ARHGAP8: variants seen among roughly 807,000 people sequenced by gnomAD.
ARHGAP8 encodes rho GTPase-activating protein 8.
Under a neutral mutation model 46.1 loss-of-function variants are expected in ARHGAP8, and 62 were observed. The ratio of observed to expected loss-of-function variants is 1.34; its 90% CI spans 1.10 to 1.66. The LOEUF (loss-of-function observed/expected upper bound fraction) is 1.66, where lower values mean the gene tolerates loss of function less well. Among genes scored for constraint, ARHGAP8 ranks in the 40% most tolerant of loss-of-function variants. The pLI, the probability that ARHGAP8 is intolerant of heterozygous loss-of-function variation, is 0.00. For missense variants in ARHGAP8, 923 were observed against 568.4 expected (o/e 1.62, Z -6.34); for synonymous variants, 375 against 243.1 (o/e 1.54, Z -5.05).
chr22:44,809,191 A>G (rs760933617), intron 4 of ARHGAP8: 22 of 470,506 alleles, frequency 4.7e-5, no homozygotes, highest in African/African-American at 2.2e-4. Flanking sequence ...TATTGCAACA[A>G]CTCTGCTGGA....
intron 8 of ARHGAP8, 128 bp downstream of exon 8, chr22:44,845,470 A>G (rs2069931493): frequency 3.1e-6 from 4 of 1,278,620 alleles, no homozygotes; most frequent in South Asian, 1.4e-5. Flanking sequence ...GCTCAAGCAC[A>G]GTGGCTCCAG....
chr22:44,832,124 CT>C (rs376430202), intron 7 of ARHGAP8, among the ~76,000 whole-genome samples: 1 of 145,068 alleles, frequency 6.9e-6, no homozygotes, highest in Non-Finnish European at 1.5e-5. Context: ...GGTCTTTTAA[CT>C]TTTTTTCAGT....
In ARHGAP8 at chr22:44,810,982, A is replaced by T. The variant is rs1340474347; in HGVS notation, c.299+2544A>T. 2.6e-5 allele frequency among the ~76,000 whole-genome samples: 4 copies of T among 152,212 alleles called. No homozygotes were observed. In the East Asian group the frequency reaches 7.7e-4, roughly 29 times the overall value. On this transcript the variant is annotated intron_variant, in intron 4 of 11. Transcript: ENST00000356099. Reference sequence around the variant, plus strand: ...CAGTAGCCCTGTCTTGAGCTAAAGCAGATGAAGGTTTTGCCCTCTGCACTT... The same window carrying T: ...CAGTAGCCCTGTCTTGAGCTAAAGCTGATGAAGGTTTTGCCCTCTGCACTT...
chr22:44,815,634 AG>A (rs61152738), intron 5 of ARHGAP8, among the ~76,000 whole-genome samples: 11,416 of 152,154 alleles, frequency 0.075, 805 homozygotes, highest in East Asian at 0.2. Context: ...GCCTAAAGAA[AG>A]GCAGCCACAG....
intron 10 of ARHGAP8, among the ~76,000 whole-genome samples, chr22:44,851,155 C>T (rs760146339): frequency 1.3e-5 from 2 of 152,184 alleles, no homozygotes; most frequent in East Asian, 3.9e-4. Context: ...CCACTGCCTC[C>T]GGTCATAAAG....
chr22:44,807,610 C>T (rs1033751085), intron 3 of ARHGAP8, among the ~76,000 whole-genome samples: 2 of 152,202 alleles, frequency 1.3e-5, no homozygotes, highest in Non-Finnish European at 2.9e-5. Flanking sequence ...AATCCCAGCT[C>T]ATCCTCCTTG....
chr22:44,855,536 G>A (rs138371854), intron 10 of ARHGAP8, among the ~76,000 whole-genome samples: 1 of 152,308 alleles, frequency 6.6e-6, no homozygotes, highest in Non-Finnish European at 1.5e-5. Context: ...GGTGAAAGTT[G>A]TTATCAGTAT....
intron 10 of ARHGAP8, among the ~76,000 whole-genome samples, chr22:44,855,494 T>C (rs1018772610): frequency 6.6e-6 from 1 of 152,176 alleles, no homozygotes; most frequent in African/African-American, 2.4e-5. Flanking sequence ...CTTTCATACA[T>C]AGTTTCATAC....
chr22:44,825,699 C>A, intron 7 of ARHGAP8, 106 bp downstream of exon 7: 3 of 1,291,102 alleles, frequency 2.3e-6, no homozygotes, highest in South Asian at 1.4e-5. Context: ...CTCCAGCAGC[C>A]AAGCTGAACC....
At chr22:44,800,222 G>A (rs1202548580) in intron 2 of ARHGAP8, among the ~76,000 whole-genome samples, 1 of 150,714 alleles carries the variant, frequency 6.6e-6, no homozygotes, top group Non-Finnish European at 1.5e-5. Context: ...TCCTGCCTCA[G>A]CCTCCCAGGT....
At chr22:44,845,230 C>T (rs2069924241) in intron 7 of ARHGAP8, 39 bp from the exon 8 acceptor site, 1 of 1,612,988 alleles carries the variant, frequency 6.2e-7, no homozygotes, top group Non-Finnish European at 8.5e-7. Context: ...ACCCATCAAG[C>T]TCAGGTAAAA....
Position 44,856,863 on chromosome 22 carries a change from G to C in ARHGAP8, c.878-2868G>C, listed in dbSNP as rs1376114626. On this transcript the variant is annotated intron_variant, in intron 10 of 11. Coordinates refer to ENST00000356099, the MANE Select transcript of ARHGAP8 (RefSeq NM_181335.3). ...GCTCTGCTGGTCCAAATTCAGAAAG[G>C]AAGAAAACAAAGAGACTTTGACCAC... 6.2e-5 allele frequency among the ~76,000 whole-genome samples: 9 copies of C among 144,364 alleles called. 2 individuals are homozygous for C. The highest frequency in any genetic ancestry group is 1.3e-4 in the Non-Finnish European group (9 of 66,704). 94.7% of individuals were successfully genotyped at this position (144,364 alleles called of 152,430 possible). A position where few individuals can be genotyped will look rare whatever the true frequency, so the allele number is the denominator to read the frequency against.
chr22:44,834,002 T>C (rs1931126735), intron 7 of ARHGAP8, among the ~76,000 whole-genome samples: 1 of 152,174 alleles, frequency 6.6e-6, no homozygotes, highest in African/African-American at 2.4e-5. Context: ...ATGTTTCCTC[T>C]TCCATTCCTG....
rs71315119 is a variant in ARHGAP8 at position 44,854,024 on chromosome 22, C to CAA, written c.877+5001_877+5002dup. On this transcript the variant is annotated intron_variant, in intron 10 of 11. Coordinates refer to ENST00000356099, the MANE Select transcript of ARHGAP8 (RefSeq NM_181335.3). ...CCTGGGACACAGCGAGACTCTGTCT[C>CAA]AAAAAAAAAAAAAAAAAAAAAAAAA... Among the ~76,000 whole-genome samples, 93 of 43,302 alleles carry CAA rather than the reference C, an allele frequency of 2.1e-3. 25 individuals are homozygous for CAA. The highest frequency in any genetic ancestry group is 2.6e-3 in the Non-Finnish European group (66 of 25,158). The allele number at this position is 43,302 out of a possible 152,430, so 28.4% of individuals were successfully genotyped here.
intron 10 of ARHGAP8, among the ~76,000 whole-genome samples, chr22:44,857,554 G>C (rs2070263929): frequency 6.6e-6 from 1 of 152,332 alleles, no homozygotes; most frequent in East Asian, 1.9e-4. Context: ...ATGCCAGGTT[G>C]GAAGAAGAGT....
At chr22:44,767,399 GCTGAACATGTTAGCTGCCCCTC>G (rs1435142875) in intron 1 of ARHGAP8, among the ~76,000 whole-genome samples, 3 of 152,000 alleles carry the variant, frequency 2.0e-5, no homozygotes, top group Admixed American at 6.6e-5. Context: ...AGCAGTCCCT[GCTGAACATGTTAGCTGCCCCTC>G]CTGAACAGAA....
chr22:44,843,288 T>C (rs1254265195), intron 7 of ARHGAP8, among the ~76,000 whole-genome samples: 1 of 152,164 alleles, frequency 6.6e-6, no homozygotes, highest in Non-Finnish European at 1.5e-5. Context: ...AGAATGTATT[T>C]TCAGCAGAAC....
chr22:44,837,838 T>C (rs16992933), intron 7 of ARHGAP8, among the ~76,000 whole-genome samples: 27,048 of 152,098 alleles, frequency 0.18, 2,589 homozygotes, highest in East Asian at 0.32. Context: ...GCACGGGCAG[T>C]GGAAAACCCG....
chr22:44,843,933 C>G (rs1602254986), intron 7 of ARHGAP8, among the ~76,000 whole-genome samples: 1 of 148,884 alleles, frequency 6.7e-6, no homozygotes, highest in Non-Finnish European at 1.5e-5. Flanking sequence ...TAATGTAAAA[C>G]TAGGGTCACT....
Sources: gnomAD v4.1 joint callset for allele counts (sites outside exome capture counted in the v4.1 genomes callset) on GRCh38, gnomAD v4.1.1 for gene constraint, MANE v1.5 for transcripts, NCBI Gene and HGNC (gene_info 2026-07-23, HGNC 2026-07-21) for gene names.